Variants in NBDY observed in about 807,000 individuals in gnomAD.
The protein encoded by NBDY is negative regulator of P-body association.
intron 2 of NBDY, among the ~76,000 whole-genome samples, chrX:56,795,386 C>T (rs780005987): frequency 4.6e-4 from 51 of 111,876 alleles, no homozygotes; most frequent in African/African-American, 1.6e-3. Context: ...TGACGTGGTC[C>T]ATCATACAAA....
intron 2 of NBDY, among the ~76,000 whole-genome samples, chrX:56,733,034 T>C (rs1361224283): frequency 9.0e-6 from 1 of 111,267 alleles, no homozygotes; most frequent in Non-Finnish European, 1.9e-5. Context: ...TTTATTGAGT[T>C]GAATCTTTAG....
At chrX:56,801,893 TATAATC>T (rs749886620) in intron 2 of NBDY, among the ~76,000 whole-genome samples, 8 of 108,450 alleles carry the variant, frequency 7.4e-5, no homozygotes, top group African/African-American at 2.4e-4. Flanking sequence ...CAACCACAAA[TATAATC>T]ACAAACACAC....
chrX:56,743,514 A>T (rs2069541897), intron 2 of NBDY, among the ~76,000 whole-genome samples: 1 of 110,478 alleles, frequency 9.1e-6, no homozygotes, highest in African/African-American at 3.3e-5. Context: ...TTGATATGTC[A>T]TATGTGTAGA....
chrX:56,767,541 C>A (rs2069673178), intron 2 of NBDY, among the ~76,000 whole-genome samples: 1 of 112,790 alleles, frequency 8.9e-6, no homozygotes, highest in African/African-American at 3.2e-5. Context: ...TGCGGGCCAC[C>A]GGGAGTTGCC....
At chrX:56,786,723 CT>C (rs902743564) in intron 2 of NBDY, among the ~76,000 whole-genome samples, 8 of 110,087 alleles carry the variant, frequency 7.3e-5, no homozygotes, top group African/African-American at 2.3e-4. Context: ...TCTGCTTCAG[CT>C]TTTTTTCCCC....
At chrX:56,732,887 A>G (rs1316553980) in intron 2 of NBDY, among the ~76,000 whole-genome samples, 3 of 111,476 alleles carry the variant, frequency 2.7e-5, no homozygotes, top group Non-Finnish European at 3.8e-5. Flanking sequence ...AATTACAATA[A>G]TCAATTTTCT....
chrX:56,789,833 G>A (rs926660145), intron 2 of NBDY, among the ~76,000 whole-genome samples: 2 of 111,648 alleles, frequency 1.8e-5, no homozygotes, highest in African/African-American at 6.5e-5. Context: ...ATTTGCCTTG[G>A]CATCTTGGTC....
chrX:56,785,617 G>A (rs1322538889), intron 2 of NBDY, among the ~76,000 whole-genome samples: 1 of 111,402 alleles, frequency 9.0e-6, no homozygotes, highest in African/African-American at 3.3e-5. Context: ...TGGGGTTGGG[G>A]TTGGGGCAGT....
intron 2 of NBDY, among the ~76,000 whole-genome samples, chrX:56,794,623 T>G (rs1481678466): frequency 1.1e-5 from 1 of 87,535 alleles, no homozygotes; most frequent in African/African-American, 4.4e-5. Flanking sequence ...GGTGGCATGG[T>G]GGGGGTAGGT....
chrX:56,762,594 C>G (rs760604596), intron 2 of NBDY, among the ~76,000 whole-genome samples: 1 of 111,182 alleles, frequency 9.0e-6, no homozygotes, highest in Non-Finnish European at 1.9e-5. Flanking sequence ...CAGTACCTCA[C>G]GATTCATCCT....
chrX:56,732,155 C>T lies in NBDY; in HGVS notation c.*122C>T, dbSNP rs1226768210. On this transcript the variant is annotated 3_prime_UTR_variant, in exon 2 of 3. Transcript: ENST00000374922. Reference sequence around the variant, plus strand: ...CAATGAAGATTATTTACAATGCTACCCTGCTTTTTCTGGTGTCCTGAACCT... The same window carrying T: ...CAATGAAGATTATTTACAATGCTACTCTGCTTTTTCTGGTGTCCTGAACCT... 1 of 294,467 alleles carries T rather than the reference C, an allele frequency of 3.4e-6. No individual in the cohort carries two copies. Among genetic ancestry groups the T allele is most frequent in the Non-Finnish European group, 5.9e-6 (1 of 169,534 alleles). The allele number at this position is 294,467 out of a possible 1,213,427, so 24.3% of individuals were successfully genotyped here. A position where few individuals can be genotyped will look rare whatever the true frequency, so the allele number is the denominator to read the frequency against.
intron 2 of NBDY, among the ~76,000 whole-genome samples, chrX:56,804,626 C>T (rs2069840505): frequency 8.9e-6 from 1 of 112,314 alleles, no homozygotes; most frequent in Non-Finnish European, 1.9e-5. Context: ...TTGAGGCTGG[C>T]GTGTCTTTGC....
chrX:56,781,128 C>CTT (rs1343185342), intron 2 of NBDY, among the ~76,000 whole-genome samples: 1 of 111,298 alleles, frequency 9.0e-6, no homozygotes. Flanking sequence ...TTGTTTTTAC[C>CTT]TTTGAACATC....
At chrX:56,812,533 T>C (rs769052092) in intron 2 of NBDY, among the ~76,000 whole-genome samples, 42 of 110,771 alleles carry the variant, frequency 3.8e-4, no homozygotes, top group Non-Finnish European at 7.6e-4. Context: ...GTGCTGATGA[T>C]ATTCAGAGGG....
intron 2 of NBDY, among the ~76,000 whole-genome samples, chrX:56,733,908 CCATATTTTTATAACTCCATCTTA>C (rs1386030902): frequency 8.9e-6 from 1 of 111,980 alleles, no homozygotes; most frequent in Non-Finnish European, 1.9e-5. Context: ...CACAGGATGC[CCATATTTTTATAACTCCATCTTA>C]TTTGTGAAGG....
intron 2 of NBDY, among the ~76,000 whole-genome samples, chrX:56,748,740 A>G (rs1569285170): frequency 9.6e-6 from 1 of 104,362 alleles, no homozygotes; most frequent in Non-Finnish European, 2.0e-5. Context: ...TTGTAAATTA[A>G]GTTTATTGGT....
At chrX:56,762,393 G>A (rs750582209) in intron 2 of NBDY, among the ~76,000 whole-genome samples, 5 of 108,159 alleles carry the variant, frequency 4.6e-5, no homozygotes, top group Non-Finnish European at 9.6e-5. Context: ...CGAGACAAAT[G>A]TTCTATGGAG....
intron 2 of NBDY, among the ~76,000 whole-genome samples, chrX:56,797,168 TTCTTCC>T (rs1161916666): frequency 8.7e-4 from 92 of 106,087 alleles, no homozygotes; most frequent in African/African-American, 3.1e-3. Flanking sequence ...CTCCTTCTTC[TTCTTCC>T]TCTTCCTCTT....
intron 2 of NBDY, among the ~76,000 whole-genome samples, chrX:56,763,019 G>A (rs995729696): frequency 8.9e-6 from 1 of 112,128 alleles, no homozygotes; most frequent in Non-Finnish European, 1.9e-5. Flanking sequence ...TCCCACACAG[G>A]TTCTAAATGT....
Sources: gnomAD v4.1 joint callset for allele counts (sites outside exome capture counted in the v4.1 genomes callset) on GRCh38, gnomAD v4.1.1 for gene constraint, MANE v1.5 for transcripts, NCBI Gene and HGNC (gene_info 2026-07-23, HGNC 2026-07-21) for gene names.